Variants in DHRS7B observed in about 807,000 individuals in gnomAD.
The protein encoded by DHRS7B is dehydrogenase/reductase 7B.
A neutral mutation model predicts 26.4 loss-of-function variants in DHRS7B; 24 were observed. That is an observed-to-expected ratio of 0.91 (90% CI 0.66 to 1.28). The LOEUF (loss-of-function observed/expected upper bound fraction) is 1.28, where lower values mean the gene tolerates loss of function less well. DHRS7B is among the 50% of genes most tolerant of loss of function. The probability of loss-of-function intolerance (pLI) is 0.00; values close to 1 mark genes in which losing one functional copy is unlikely to be tolerated. For missense variants in DHRS7B, 368 were observed against 419.4 expected, an observed-to-expected ratio of 0.88 and a Z score of 1.07; for synonymous variants, 142 against 166.4, an observed-to-expected ratio of 0.85 and a Z score of 1.13.
chr17:21,165,873 G>A (rs546753359), intron 1 of DHRS7B, among the ~76,000 whole-genome samples: 7 of 149,090 alleles, frequency 4.7e-5, no homozygotes, highest in African/African-American at 1.7e-4. Context: ...CAAAGATCGC[G>A]GCACTGCTCT....
intron 1 of DHRS7B, among the ~76,000 whole-genome samples, chr17:21,142,184 G>A (rs966253764): frequency 3.9e-5 from 6 of 152,150 alleles, no homozygotes; most frequent in African/African-American, 9.7e-5. Flanking sequence ...GGGGGTCCAC[G>A]TGAGAGGGTC....
intron 3 of DHRS7B, among the ~76,000 whole-genome samples, chr17:21,183,219 A>AT (rs59204816): frequency 2.9e-4 from 44 of 151,984 alleles, no homozygotes; most frequent in African/African-American, 9.6e-4. Context: ...AATCTTTATA[A>AT]TTTTTTTTAT....
chr17:21,190,099 G>A (rs1018319272), intron 6 of DHRS7B, among the ~76,000 whole-genome samples: 15 of 152,058 alleles, frequency 9.9e-5, no homozygotes, highest in African/African-American at 2.7e-4. Context: ...CCAGGAGGTC[G>A]AGGCTGCAGT....
At chr17:21,165,470 C>T (rs955064889) in intron 1 of DHRS7B, among the ~76,000 whole-genome samples, 7 of 151,970 alleles carry the variant, frequency 4.6e-5, no homozygotes, top group African/African-American at 7.2e-5. Flanking sequence ...GGACTACAGG[C>T]GCGTGCCACC....
In DHRS7B at chr17:21,138,211, C is replaced by CTTCTT. The variant is rs1422122592; in HGVS notation, c.20+11222_20+11223insCTTTT. On this transcript the variant is annotated intron_variant, in intron 1 of 6. Transcript: ENST00000395511. ...TTGTCTTGAACATCCATCCCTCCTT[C>CTTCTT]TTTTTTTTTTTTTTTTTTTTTTTGA... Among the ~76,000 whole-genome samples, 423 of 78,240 alleles carry CTTCTT rather than the reference C, an allele frequency of 5.4e-3. 29 individuals are homozygous for CTTCTT. Among genetic ancestry groups the CTTCTT allele is most frequent in the African/African-American group, 0.023 (400 of 17,046 alleles). The allele number at this position is 78,240 out of a possible 152,430, so 51.3% of individuals were successfully genotyped here.
At chr17:21,135,996 T>C (rs1477912221) in intron 1 of DHRS7B, among the ~76,000 whole-genome samples, 1 of 152,038 alleles carries the variant, frequency 6.6e-6, no homozygotes, top group African/African-American at 2.4e-5. Flanking sequence ...TTGCAGTCAG[T>C]GTTTAAGATT....
At chr17:21,138,790 T>G (rs1389555375) in intron 1 of DHRS7B, among the ~76,000 whole-genome samples, 2 of 152,176 alleles carry the variant, frequency 1.3e-5, no homozygotes, top group African/African-American at 2.4e-5. Flanking sequence ...TTAGCAAGAA[T>G]GTTTTCCTAC....
At chr17:21,129,922 T>C (rs1973193010) in intron 1 of DHRS7B, among the ~76,000 whole-genome samples, 1 of 152,178 alleles carries the variant, frequency 6.6e-6, no homozygotes, top group African/African-American at 2.4e-5. Context: ...GTACATGTTT[T>C]CATAGTTCAT....
intron 1 of DHRS7B, among the ~76,000 whole-genome samples, chr17:21,142,442 C>T (rs1241322028): frequency 6.6e-6 from 1 of 152,180 alleles, no homozygotes; most frequent in East Asian, 1.9e-4. Flanking sequence ...CTTCTCTTTC[C>T]TTTTCTGAGT....
intron 1 of DHRS7B, chr17:21,127,199 G>C (rs1482776401): frequency 3.9e-6 from 2 of 519,226 alleles, no homozygotes; most frequent in African/African-American, 4.0e-5. Context: ...TCCGGCGAGT[G>C]CGTGGCGGGG....
intron 5 of DHRS7B, among the ~76,000 whole-genome samples, chr17:21,187,139 A>G (rs1274777923): frequency 6.7e-6 from 1 of 149,140 alleles, no homozygotes; most frequent in Non-Finnish European, 1.5e-5. Context: ...GTAAAATCAC[A>G]TGAATATACG....
chr17:21,179,368 G>A (rs1974461744), intron 3 of DHRS7B, among the ~76,000 whole-genome samples: 1 of 152,192 alleles, frequency 6.6e-6, no homozygotes, highest in Non-Finnish European at 1.5e-5. Flanking sequence ...AGGCCGAGGT[G>A]AGTGGATGAT....
intron 1 of DHRS7B, among the ~76,000 whole-genome samples, chr17:21,139,931 C>T (rs1232779459): frequency 6.6e-6 from 1 of 150,644 alleles, no homozygotes; most frequent in Non-Finnish European, 1.5e-5. Flanking sequence ...ACATTGTGTA[C>T]ACAACACATA....
chr17:21,161,351 G>T (rs1469077452), intron 1 of DHRS7B, among the ~76,000 whole-genome samples: 1 of 152,160 alleles, frequency 6.6e-6, no homozygotes, highest in African/African-American at 2.4e-5. Flanking sequence ...TGTACCTAAA[G>T]TTTGTCTTAG....
intron 1 of DHRS7B, among the ~76,000 whole-genome samples, chr17:21,131,931 G>T (rs1456799337): frequency 1.3e-5 from 2 of 152,180 alleles, no homozygotes; most frequent in African/African-American, 2.4e-5. Context: ...ATCCAGATTG[G>T]TTTAAAATGT....
At chr17:21,149,344 T>G (rs1160327016) in intron 1 of DHRS7B, among the ~76,000 whole-genome samples, 2 of 152,194 alleles carry the variant, frequency 1.3e-5, no homozygotes, top group Non-Finnish European at 2.9e-5. Flanking sequence ...AAACCCATCT[T>G]ACAAGAAATG....
Position 21,180,264 on chromosome 17 carries a change from T to C in DHRS7B, c.309+1922T>C, listed in dbSNP as rs141480692. Among the ~76,000 whole-genome samples, 151 of 151,836 alleles carry C rather than the reference T, an allele frequency of 9.9e-4. 1 individual carries two copies. Among genetic ancestry groups the C allele is most frequent in the African/African-American group, 3.4e-3 (140 of 41,390 alleles). On this transcript the variant is annotated intron_variant, in intron 3 of 6. Transcript: ENST00000395511. Reference sequence around the variant, plus strand: ...TAATTTTTGTATTTTTAGTAGAGATTGGGTTTCACCGTGTTGGCCAGAATG... The same window carrying C: ...TAATTTTTGTATTTTTAGTAGAGATCGGGTTTCACCGTGTTGGCCAGAATG...
intron 2 of DHRS7B, 42 bp from the exon 3 acceptor site, chr17:21,178,191 C>G (rs779894265): frequency 7.0e-6 from 11 of 1,582,348 alleles, no homozygotes; most frequent in Non-Finnish European, 9.6e-6. Context: ...CTGAACGGCA[C>G]TGAGGAAGAA....
intron 1 of DHRS7B, among the ~76,000 whole-genome samples, chr17:21,141,736 T>A (rs1229684678): frequency 7.2e-6 from 1 of 138,544 alleles, no homozygotes; most frequent in African/African-American, 2.8e-5. Flanking sequence ...CAGGTAAAAC[T>A]CCAAAAAAAA....
Sources: gnomAD v4.1 joint callset for allele counts (sites outside exome capture counted in the v4.1 genomes callset) on GRCh38, gnomAD v4.1.1 for gene constraint, MANE v1.5 for transcripts, NCBI Gene and HGNC (gene_info 2026-07-23, HGNC 2026-07-21) for gene names.